TMEM132C: variants seen among roughly 807,000 people sequenced by gnomAD.
TMEM132C encodes protein phosphatase 1, regulatory subunit 152.
TMEM132C carries 29 observed loss-of-function variants against 61.4 expected under a neutral mutation model. That is an observed-to-expected ratio of 0.47 (90% confidence interval 0.35 to 0.64). TMEM132C has a LOEUF of 0.64. Ranked by LOEUF, TMEM132C falls within the 30% of genes least tolerant of loss-of-function variation. The pLI, the probability that TMEM132C is intolerant of heterozygous loss-of-function variation, is 0.00. For missense variants in TMEM132C, 1,408 were observed against 1,476.9 expected, an observed-to-expected ratio of 0.95 and a Z score of 0.76; for synonymous variants, 656 against 633.1, an observed-to-expected ratio of 1.04 and a Z score of -0.54.
intron 4 of TMEM132C, among the ~76,000 whole-genome samples, chr12:128,635,784 G>A (rs968525793): frequency 4.6e-5 from 7 of 152,150 alleles, no homozygotes; most frequent in Non-Finnish European, 1.0e-4. Context: ...GCTCCCAGGT[G>A]GATGTCACTC....
At chr12:128,443,046 G>A (rs1869851633) in intron 2 of TMEM132C, among the ~76,000 whole-genome samples, 1 of 152,082 alleles carries the variant, frequency 6.6e-6, no homozygotes, top group South Asian at 2.1e-4. Flanking sequence ...GTTTAGGAGT[G>A]AAATGTCATG....
intron 5 of TMEM132C, among the ~76,000 whole-genome samples, chr12:128,681,239 C>T (rs1954631995): frequency 6.6e-6 from 1 of 152,152 alleles, no homozygotes; most frequent in Non-Finnish European, 1.5e-5. Context: ...CTTGGCCTCC[C>T]AAAGTGCTGG....
chr12:128,427,732 C>G (rs934322908), intron 2 of TMEM132C, among the ~76,000 whole-genome samples: 3 of 152,174 alleles, frequency 2.0e-5, no homozygotes, highest in South Asian at 2.1e-4. Flanking sequence ...ATCCTCACCC[C>G]CAGCTTGTGG....
At chr12:128,583,400 A>C (rs1875420423) in intron 3 of TMEM132C, among the ~76,000 whole-genome samples, 1 of 152,130 alleles carries the variant, frequency 6.6e-6, no homozygotes, top group South Asian at 2.1e-4. Flanking sequence ...GTCAAAAAAA[A>C]AAAAAAGCTT....
chr12:128,387,005 T>C (rs1027740333), intron 1 of TMEM132C, among the ~76,000 whole-genome samples: 4 of 151,730 alleles, frequency 2.6e-5, no homozygotes, highest in Admixed American at 2.0e-4. Flanking sequence ...CCAGACATGG[T>C]TGATGCACAT....
chr12:128,664,620 A>C (rs531306685), intron 4 of TMEM132C, among the ~76,000 whole-genome samples: 40 of 152,276 alleles, frequency 2.6e-4, no homozygotes, highest in African/African-American at 9.6e-4. Flanking sequence ...GGAATTGTAC[A>C]CCTGTGTGCT....
chr12:128,465,738 C>A (rs1042991361), intron 2 of TMEM132C, among the ~76,000 whole-genome samples: 2 of 152,256 alleles, frequency 1.3e-5, no homozygotes, highest in African/African-American at 4.8e-5. Flanking sequence ...CAAAAGAACA[C>A]CCTCAAGGGT....
intron 4 of TMEM132C, among the ~76,000 whole-genome samples, chr12:128,633,390 T>C (rs1593127536): frequency 1.3e-5 from 2 of 152,180 alleles, no homozygotes; most frequent in South Asian, 4.1e-4. Flanking sequence ...CTCCCCAAAA[T>C]GCTATAATGT....
At chr12:128,336,498 CTA>C (rs1207816219) in intron 1 of TMEM132C, among the ~76,000 whole-genome samples, 1 of 152,156 alleles carries the variant, frequency 6.6e-6, no homozygotes, top group Non-Finnish European at 1.5e-5. Flanking sequence ...TCTAGCAAGA[CTA>C]TTCTTTTGAA....
At chr12:128,395,875 T>C (rs567663993) in intron 1 of TMEM132C, among the ~76,000 whole-genome samples, 32 of 152,220 alleles carry the variant, frequency 2.1e-4, no homozygotes, top group African/African-American at 6.5e-4. Flanking sequence ...TATAAACTGA[T>C]GTTCACTGAG....
chr12:128,469,533 T>C (rs1217881452), intron 2 of TMEM132C, among the ~76,000 whole-genome samples: 1 of 151,950 alleles, frequency 6.6e-6, no homozygotes, highest in African/African-American at 2.4e-5. Context: ...CCCAGGCTGA[T>C]CTCAAACTCC....
intron 2 of TMEM132C, among the ~76,000 whole-genome samples, chr12:128,417,928 A>C (rs1421933445): frequency 1.3e-5 from 2 of 152,140 alleles, no homozygotes; most frequent in Non-Finnish European, 2.9e-5. Flanking sequence ...TATTTGTAGC[A>C]CAGAGGTTAC....
At chr12:128,480,938 C>T (rs933677529) in intron 2 of TMEM132C, among the ~76,000 whole-genome samples, 2 of 152,182 alleles carry the variant, frequency 1.3e-5, no homozygotes, top group African/African-American at 2.4e-5. Context: ...AGGGTGGGGA[C>T]GGAGCCTATG....
intron 1 of TMEM132C, among the ~76,000 whole-genome samples, chr12:128,324,535 G>A (rs961730796): frequency 2.6e-5 from 4 of 152,096 alleles, no homozygotes; most frequent in Admixed American, 6.6e-5. Context: ...AAAACCAGTC[G>A]GTTTTTACAG....
intron 1 of TMEM132C, among the ~76,000 whole-genome samples, chr12:128,360,245 GACACACACACACACAC>G (rs145728632): frequency 1.2e-4 from 17 of 145,996 alleles, no homozygotes; most frequent in South Asian, 6.6e-4. Flanking sequence ...GATAAAGGAC[GACACACACACACACAC>G]ACACACACAC....
At chr12:128,599,571 C>A (rs1377125722) in intron 3 of TMEM132C, among the ~76,000 whole-genome samples, 1 of 152,200 alleles carries the variant, frequency 6.6e-6, no homozygotes, top group Non-Finnish European at 1.5e-5. Context: ...TGTGGCTGCA[C>A]ATAGGGATAC....
chr12:128,375,842 A>T (rs12579222), intron 1 of TMEM132C, among the ~76,000 whole-genome samples: 3,984 of 152,228 alleles, frequency 0.026, 249 homozygotes, highest in East Asian at 0.16. Context: ...ACGGATGCAA[A>T]GGTGATGGAT....
intron 3 of TMEM132C, among the ~76,000 whole-genome samples, chr12:128,597,373 G>A (rs1426033579): frequency 1.3e-5 from 2 of 152,096 alleles, no homozygotes; most frequent in East Asian, 3.9e-4. Flanking sequence ...AGCGACTTGG[G>A]AGCCTGAGGT....
chr12:128,596,558 C>T (rs1222710414), intron 3 of TMEM132C, among the ~76,000 whole-genome samples: 1 of 151,422 alleles, frequency 6.6e-6, no homozygotes. Flanking sequence ...TTCTGTCCAT[C>T]GCACTGGGCT....
Sources: gnomAD v4.1 joint callset for allele counts (sites outside exome capture counted in the v4.1 genomes callset) on GRCh38, gnomAD v4.1.1 for gene constraint, MANE v1.5 for transcripts, NCBI Gene and HGNC (gene_info 2026-07-23, HGNC 2026-07-21) for gene names.